LHFPL3: variants seen among roughly 807,000 people sequenced by gnomAD.
LHFPL3 encodes the protein LHFPL tetraspan subfamily member 3 protein.
In LHFPL3, 5 loss-of-function variants were observed where a neutral mutation model predicts 19.3. The observed-to-expected ratio is 0.26, with a 90% CI of 0.14 to 0.54. The LOEUF is 0.54. LHFPL3 is among the 20% of genes least tolerant of loss of function. The probability of loss-of-function intolerance (pLI) is 0.94; values close to 1 mark genes in which losing one functional copy is unlikely to be tolerated. For synonymous variants in LHFPL3, 133 were observed against 126.2 expected (o/e 1.05, Z -0.36); for missense variants, 249 against 307.4 (o/e 0.81, Z 1.42).
chr7:104,742,754 A>G (rs1423384892), intron 2 of LHFPL3, among the ~76,000 whole-genome samples: 1 of 152,238 alleles, frequency 6.6e-6, no homozygotes, highest in African/African-American at 2.4e-5. Context: ...TTCTTTAAAA[A>G]GAGGACATGA....
Position 104,723,803 on chromosome 7 carries a change from A to C in LHFPL3, c.446-12872A>C, listed in dbSNP as rs1426317139. On this transcript the variant is annotated intron_variant, in intron 1 of 2. Coordinates refer to ENST00000424859, the MANE Select transcript of LHFPL3 (RefSeq NM_199000.3). ...ACCTGCTTGCTGCCAAAATGAAGAA[A>C]TACATAGCTGCAAGGAGGTTAGTAA... Among the ~76,000 whole-genome samples the C allele has an allele frequency of 5.3e-5, 8 of 152,126 alleles. No homozygotes were observed. The East Asian group carries it at 9.6e-4, about 18-fold the overall frequency.
chr7:104,463,666 A>G (rs565576151), intron 1 of LHFPL3, among the ~76,000 whole-genome samples: 1 of 152,222 alleles, frequency 6.6e-6, no homozygotes, highest in Non-Finnish European at 1.5e-5. Context: ...TGAGAGGGAA[A>G]GCAGAGAAAA....
intron 1 of LHFPL3, among the ~76,000 whole-genome samples, chr7:104,415,718 A>G (rs1051882871): frequency 3.9e-5 from 6 of 152,178 alleles, no homozygotes; most frequent in Non-Finnish European, 8.8e-5. Context: ...GTACTTCTAA[A>G]TAGTTATATA....
chr7:104,740,654 G>T (rs1793916781), intron 2 of LHFPL3, among the ~76,000 whole-genome samples: 2 of 152,188 alleles, frequency 1.3e-5, no homozygotes, highest in Admixed American at 1.3e-4. Context: ...AAGAGCTTAT[G>T]CAGGGGAACT....
intron 1 of LHFPL3, among the ~76,000 whole-genome samples, chr7:104,657,009 T>C (rs981944485): frequency 1.3e-5 from 2 of 152,250 alleles, no homozygotes; most frequent in African/African-American, 2.4e-5. Flanking sequence ...TCATTTACTT[T>C]CTTTTGAAAG....
At chr7:104,736,948 C>T in intron 2 of LHFPL3, 37 bp downstream of exon 2, 1 of 1,494,136 alleles carries the variant, frequency 6.7e-7, no homozygotes, top group South Asian at 1.2e-5. Context: ...CTGGATGCCT[C>T]AAGCACAAAA....
At chr7:104,448,957 T>G (rs1792380848) in intron 1 of LHFPL3, among the ~76,000 whole-genome samples, 1 of 152,234 alleles carries the variant, frequency 6.6e-6, no homozygotes, top group Non-Finnish European at 1.5e-5. Flanking sequence ...GATAGTGTGC[T>G]TCAATACTAA....
At chr7:104,501,889 T>G (rs1271069537) in intron 1 of LHFPL3, among the ~76,000 whole-genome samples, 1 of 152,250 alleles carries the variant, frequency 6.6e-6, no homozygotes, top group South Asian at 2.1e-4. Flanking sequence ...TTGTCTGTTT[T>G]CTTTTTCTGG....
intron 1 of LHFPL3, among the ~76,000 whole-genome samples, chr7:104,589,256 A>G (rs1170372368): frequency 7.9e-5 from 12 of 151,878 alleles, no homozygotes; most frequent in Non-Finnish European, 1.5e-4. Context: ...GTTTGTCATA[A>G]ATAGCTCTTA....
chr7:104,741,844 C>T (rs1255423927), intron 2 of LHFPL3, among the ~76,000 whole-genome samples: 1 of 152,122 alleles, frequency 6.6e-6, no homozygotes, highest in Non-Finnish European at 1.5e-5. Flanking sequence ...ATGTCCAGTG[C>T]CAACTAACTT....
chr7:104,775,269 G>A (rs182566078), intron 2 of LHFPL3, among the ~76,000 whole-genome samples: 17 of 152,092 alleles, frequency 1.1e-4, no homozygotes, highest in South Asian at 4.2e-4. Flanking sequence ...TGTGGCAGGC[G>A]CCTGTAATTC....
chr7:104,471,493 G>A (rs533692113), intron 1 of LHFPL3, among the ~76,000 whole-genome samples: 8 of 152,282 alleles, frequency 5.3e-5, no homozygotes, highest in African/African-American at 1.9e-4. Flanking sequence ...TGTTACACAT[G>A]AGGAAACAGA....
At chr7:104,388,705 A>C (rs767673850) in intron 1 of LHFPL3, among the ~76,000 whole-genome samples, 1 of 152,174 alleles carries the variant, frequency 6.6e-6, no homozygotes, top group Non-Finnish European at 1.5e-5. Flanking sequence ...AGTGGCACTT[A>C]TCCCAGATAT....
rs376715520 is a variant in LHFPL3 at position 104,329,001 on chromosome 7, G to T, written c.222G>T (p.Gly74=). ...GVDTPQAGYF[G]LFHYCIGNGF... ...ACACCCCGCAAGCCGGCTATTTCGGGCTCTTCCACTACTGCATCGGCAACG... is the reference window on the plus strand; with the variant it reads ...ACACCCCGCAAGCCGGCTATTTCGGTCTCTTCCACTACTGCATCGGCAACG... Residue 74 remains glycine (G), a synonymous_variant, in exon 1 of 3, where the codon GGG becomes GGT. Transcript: ENST00000424859. 6 of 1,614,124 alleles carry T rather than the reference G, an allele frequency of 3.7e-6. No homozygotes were observed. The highest frequency in any genetic ancestry group is 2.7e-5 in the African/African-American group (2 of 75,056).
At chr7:104,757,251 A>G (rs910088713) in intron 2 of LHFPL3, among the ~76,000 whole-genome samples, 1 of 152,202 alleles carries the variant, frequency 6.6e-6, no homozygotes, top group Non-Finnish European at 1.5e-5. Flanking sequence ...AAACTATAAA[A>G]TCTTAAAAGG....
At chr7:104,802,849 T>C (rs1046260037) in intron 2 of LHFPL3, 1 of 152,250 alleles carries the variant, frequency 6.6e-6, no homozygotes, top group African/African-American at 2.4e-5. Flanking sequence ...CTGGAGGTTA[T>C]AAGCCTGAGT....
At chr7:104,535,922 C>G (rs890116518) in intron 1 of LHFPL3, among the ~76,000 whole-genome samples, 9 of 152,194 alleles carry the variant, frequency 5.9e-5, no homozygotes. Flanking sequence ...TCGGCACATA[C>G]CTCAACGACC....
intron 1 of LHFPL3, among the ~76,000 whole-genome samples, chr7:104,589,878 A>G (rs896928873): frequency 7.2e-5 from 11 of 152,120 alleles, no homozygotes; most frequent in Admixed American, 2.6e-4. Context: ...CATTTCTTCT[A>G]GATTTTCTAG....
chr7:104,879,129 G>A (rs1376683514), intron 2 of LHFPL3, among the ~76,000 whole-genome samples: 1 of 152,166 alleles, frequency 6.6e-6, no homozygotes, highest in Non-Finnish European at 1.5e-5. Context: ...AAAAGTGCAA[G>A]GTAGGGGCTG....
Sources: allele counts gnomAD v4.1 joint callset (sites outside exome capture counted in the v4.1 genomes callset), GRCh38; gene constraint gnomAD v4.1.1; transcripts MANE v1.5; gene names NCBI Gene and HGNC (gene_info 2026-07-23, HGNC 2026-07-21).